ZNF18: variants seen among roughly 807,000 people sequenced by gnomAD.
ZNF18 encodes zinc finger protein 18, also known as heart development-specific gene 1 protein.
ZNF18 carries 42 observed loss-of-function variants against 58.1 expected under a neutral mutation model. That is an observed-to-expected ratio of 0.72 (90% confidence interval 0.56 to 0.93). The LOEUF is 0.93. ZNF18 is among the 40% of genes least tolerant of loss of function. The pLI is 0.00. For synonymous variants in ZNF18, 231 were observed against 239.8 expected, an observed-to-expected ratio of 0.96 and a Z score of 0.34; for missense variants, 540 against 644.2, an observed-to-expected ratio of 0.84 and a Z score of 1.75.
intron 4 of ZNF18, among the ~76,000 whole-genome samples, chr17:11,988,939 A>G (rs1967924276): frequency 2.0e-5 from 3 of 152,022 alleles, no homozygotes; most frequent in South Asian, 4.1e-4. Flanking sequence ...TGGGTGGATC[A>G]CTTGAGGTCA....
chr17:12,005,739 A>G, the ZNF18 span, among the ~76,000 whole-genome samples: 21 of 152,322 alleles, frequency 1.4e-4, no homozygotes, highest in Non-Finnish European at 2.4e-4. Context: ...TTTATTCAAT[A>G]AATAAGATAC....
chr17:12,019,389 T>G, the ZNF18 span, among the ~76,000 whole-genome samples: 1 of 151,910 alleles, frequency 6.6e-6, no homozygotes, highest in African/African-American at 2.4e-5. Flanking sequence ...TTCTAGGATT[T>G]CTATTAAAAG....
Position 11,992,730 on chromosome 17 carries a change from G to C in ZNF18, c.100C>G (p.Leu34Val). The C allele has an allele frequency of 2.5e-6, 4 of 1,614,260 alleles. No homozygotes were observed. The highest frequency in any genetic ancestry group is 1.7e-4 in the Middle Eastern group (1 of 6,060). Residue 34 changes from leucine to valine, a missense_variant, in exon 2 of 7, where the codon CTC (leucine) becomes GTC (valine). Leu to Val is a conservative substitution (Grantham distance 32). Transcript: ENST00000580306. ...TGGCGTGCGGTCTCAGGGCTGGAGAGTTCCTCTTGAAGGGCAGCATCTGAT... is the reference window on the plus strand; with the variant it reads ...TGGCGTGCGGTCTCAGGGCTGGAGACTTCCTCTTGAAGGGCAGCATCTGAT... ...SESDAALQEE[L>V]SSPETARQLF...
At chr17:12,015,072 G>T in the ZNF18 span, among the ~76,000 whole-genome samples, 1 of 151,852 alleles carries the variant, frequency 6.6e-6, no homozygotes, top group Admixed American at 6.6e-5. Flanking sequence ...AAACCCCACT[G>T]AATTATATAC....
the ZNF18 span, among the ~76,000 whole-genome samples, chr17:12,004,276 A>G: frequency 6.6e-6 from 1 of 152,066 alleles, no homozygotes; most frequent in Admixed American, 6.6e-5. Flanking sequence ...CTTATTCAAC[A>G]TATTGAGACA....
intron 6 of ZNF18, 83 bp downstream of exon 6, chr17:11,983,214 A>T: frequency 1.0e-6 from 1 of 996,542 alleles, no homozygotes; most frequent in Non-Finnish European, 1.6e-6. Flanking sequence ...GCCTCCCCTG[A>T]CCTCCTTCAC....
the ZNF18 span, chr17:12,020,718 C>G: frequency 2.7e-6 from 1 of 368,642 alleles, no homozygotes; most frequent in East Asian, 4.0e-5. Flanking sequence ...AGCTCAGCAT[C>G]TGGCCCGGGC....
Position 11,983,171 on chromosome 17 carries a change from T to C in ZNF18, c.862+126A>G, listed in dbSNP as rs1464419378. 3 of 652,612 alleles carry C rather than the reference T, an allele frequency of 4.6e-6. No individual in the cohort carries two copies. The East Asian group carries it at 8.2e-5, about 18-fold the overall frequency. The allele number at this position is 652,612 out of a possible 1,614,324, so 40.4% of individuals were successfully genotyped here. A position where few individuals can be genotyped will look rare whatever the true frequency, so the allele number is the denominator to read the frequency against. ...TAGTTAAATCAAACCAATCAGATCA[T>C]GGCTAGTTATAACCAACGTAATAGA... On this transcript the variant is annotated intron_variant, in intron 6 of 6. Coordinates refer to ENST00000580306, the MANE Select transcript of ZNF18 (RefSeq NM_001303281.2).
the ZNF18 span, among the ~76,000 whole-genome samples, chr17:12,007,967 G>C: frequency 6.6e-6 from 1 of 152,154 alleles, no homozygotes; most frequent in African/African-American, 2.4e-5. Context: ...TCCATAATGT[G>C]GTGGTGCTCA....
At position 11,977,901 on chromosome 17, in the gene ZNF18, G is replaced by C; in HGVS notation, c.*56C>G. On this transcript the variant is annotated 3_prime_UTR_variant, in exon 7 of 7. Transcript: ENST00000580306. The stretch of plus-strand genomic sequence containing the variant: ...ACACAATTCCTCTTGATGGAGCTGA[G>C]TATTTTTGTGACTGGGCTGGGAGAT... The C allele has an allele frequency of 1.3e-6, 2 of 1,516,040 alleles. No homozygotes were observed. The highest frequency in any genetic ancestry group is 2.8e-5 in the African/African-American group (2 of 71,686). 93.9% of individuals were successfully genotyped at this position (1,516,040 alleles called of 1,614,324 possible). A position where few individuals can be genotyped will look rare whatever the true frequency, so the allele number is the denominator to read the frequency against.
At chr17:11,997,788 GTC>G (rs1968570521), upstream of ZNF18, among the ~76,000 whole-genome samples, 1 of 152,150 alleles carries the variant, frequency 6.6e-6, no homozygotes, top group Non-Finnish European at 1.5e-5. Context: ...TCATTTCTTT[GTC>G]TCTCCCAAAC....
chr17:11,983,697 T>C (rs1045435835), intron 5 of ZNF18, among the ~76,000 whole-genome samples: 3 of 152,072 alleles, frequency 2.0e-5, no homozygotes, highest in East Asian at 3.9e-4. Flanking sequence ...CCACCAATGG[T>C]TGGTTGACAA....
the ZNF18 span, chr17:12,020,761 AGGCGTGTCCGG>A: frequency 2.4e-6 from 1 of 408,974 alleles, no homozygotes; most frequent in African/African-American, 2.1e-5. Context: ...GCGTGTCAGG[AGGCGTGTCCGG>A]GGCGTGTCGG....
the ZNF18 span, among the ~76,000 whole-genome samples, chr17:12,017,844 T>C: frequency 4.0e-5 from 6 of 149,818 alleles, no homozygotes; most frequent in African/African-American, 1.5e-4. Flanking sequence ...GCCATTGCAC[T>C]CCAGCCTGGG....
chr17:12,020,871 C>A, the ZNF18 span: 4 of 1,121,974 alleles, frequency 3.6e-6, no homozygotes, highest in African/African-American at 1.6e-5. Context: ...CGCCGCTCGG[C>A]TCTTCACTCC....
At chr17:11,983,507 T>G in intron 5 of ZNF18, 100 bp from the exon 6 acceptor site, 1 of 878,398 alleles carries the variant, frequency 1.1e-6, no homozygotes, top group Non-Finnish European at 1.9e-6. Context: ...AGGGAAAATA[T>G]GAAGGCTCTG....
At chr17:11,985,519 CTT>C (rs1156698151) in intron 4 of ZNF18, among the ~76,000 whole-genome samples, 1 of 152,102 alleles carries the variant, frequency 6.6e-6, no homozygotes, top group East Asian at 1.9e-4. Flanking sequence ...GCACACTGTA[CTT>C]TTTTTATTTA....
the ZNF18 span, among the ~76,000 whole-genome samples, chr17:12,008,179 G>C: frequency 6.6e-6 from 1 of 152,102 alleles, no homozygotes; most frequent in Non-Finnish European, 1.5e-5. Flanking sequence ...AAGCTTACAG[G>C]GTTCTATCCA....
Position 11,992,734 on chromosome 17 carries a change from C to T in ZNF18, c.96G>A (p.Glu32=). The change falls in exon 2 of 7, where the codon GAG becomes GAA. Residue 32 remains glutamate, a synonymous_variant. Transcript: ENST00000580306. The part of the protein sequence containing the change: ...QFSESDAALQ[E]ELSSPETARQ... ...GTGCGGTCTCAGGGCTGGAGAGTTC[C>T]TCTTGAAGGGCAGCATCTGATTCTG... is the stretch of plus-strand genomic sequence containing the variant. 6.2e-7 allele frequency: 1 copy of T among 1,614,264 alleles called. No individual in the cohort carries two copies. The highest frequency in any genetic ancestry group is 8.5e-7 in the Non-Finnish European group (1 of 1,180,054).
Sources: allele counts gnomAD v4.1 joint callset (sites outside exome capture counted in the v4.1 genomes callset), GRCh38; gene constraint gnomAD v4.1.1; transcripts MANE v1.5; gene names NCBI Gene and HGNC (gene_info 2026-07-23, HGNC 2026-07-21).